The following PKIB variants were observed in gnomAD, a reference collection of about 807,000 sequenced individuals.
PKIB encodes PKI-beta.
Under a neutral mutation model 4.5 loss-of-function variants are expected in PKIB, and 2 were observed. The ratio of observed to expected loss-of-function variants is 0.44; its 90% confidence interval spans 0.18 to 1.39. The LOEUF (loss-of-function observed/expected upper bound fraction) is 1.39, where lower values mean the gene tolerates loss of function less well. Ranked by LOEUF, PKIB falls within the 40% of genes most tolerant of loss-of-function variation. The pLI, the probability that PKIB is intolerant of heterozygous loss-of-function variation, is 0.27. For missense variants in PKIB, 94 were observed against 92.6 expected (o/e 1.02, Z -0.06); for synonymous variants, 38 against 36.0 (o/e 1.06, Z -0.20).
intron 3 of PKIB, among the ~76,000 whole-genome samples, chr6:122,710,778 G>A (rs1326288372): frequency 1.3e-5 from 2 of 152,142 alleles, no homozygotes; most frequent in East Asian, 1.9e-4. Context: ...TGCAGAGTTG[G>A]TGTTACATAA....
At chr6:122,612,113 T>G (rs1226229859) in intron 1 of PKIB, among the ~76,000 whole-genome samples, 3 of 152,192 alleles carry the variant, frequency 2.0e-5, no homozygotes, top group African/African-American at 7.2e-5. Context: ...TTTTTCCTCC[T>G]TTTTAGTCGA....
chr6:122,623,518 C>G lies in PKIB; in HGVS notation c.-160-9765C>G, dbSNP rs182092171. Among the ~76,000 whole-genome samples the G allele has an allele frequency of 9.1e-4, 138 of 152,286 alleles. 3 individuals are homozygous for G. Among genetic ancestry groups the G allele is most frequent in the Admixed American group, 8.4e-3 (129 of 15,304 alleles). ...CTTTCCCTCCCACCACTTTTTTATT[C>G]AGTACTTCTGGCCTTGGGCTGTAAC... On this transcript the variant is annotated intron_variant, in intron 1 of 4. Transcript: ENST00000368452.
intron 2 of PKIB, among the ~76,000 whole-genome samples, chr6:122,497,407 C>T (rs1776104139): frequency 6.6e-6 from 1 of 152,120 alleles, no homozygotes; most frequent in East Asian, 1.9e-4. Flanking sequence ...GTATTCACAC[C>T]CTACTTAGAA....
chr6:122,485,864 G>A (rs541928468), intron 2 of PKIB, among the ~76,000 whole-genome samples: 1 of 152,266 alleles, frequency 6.6e-6, no homozygotes, highest in East Asian at 1.9e-4. Context: ...ATTGCTGTAT[G>A]TCTTGCCTTT....
At chr6:122,723,269 T>A (rs1023686353) in intron 4 of PKIB, among the ~76,000 whole-genome samples, 11 of 152,188 alleles carry the variant, frequency 7.2e-5, no homozygotes, top group Admixed American at 6.6e-4. Context: ...TCTCCTGAAC[T>A]GCACACTCAT....
intron 3 of PKIB, among the ~76,000 whole-genome samples, chr6:122,602,352 C>A (rs1386737793): frequency 6.6e-6 from 1 of 152,152 alleles, no homozygotes; most frequent in Admixed American, 6.5e-5. Flanking sequence ...AGAAAGGAGA[C>A]AGGCTTTGTT....
intron 3 of PKIB, among the ~76,000 whole-genome samples, chr6:122,688,782 CTTT>C (rs34877015): frequency 0.24 from 33,807 of 138,838 alleles, 4,014 homozygotes; most frequent in East Asian, 0.44. Flanking sequence ...ATGAGCCTTT[CTTT>C]TTTTTTTTTT....
chr6:122,534,972 A>T (rs749755914), intron 2 of PKIB, among the ~76,000 whole-genome samples: 2 of 152,162 alleles, frequency 1.3e-5, no homozygotes, highest in Admixed American at 6.6e-5. Flanking sequence ...ATTACCTCAT[A>T]CAGATATTTC....
chr6:122,573,572 T>C (rs954931571), intron 2 of PKIB, among the ~76,000 whole-genome samples: 1 of 141,492 alleles, frequency 7.1e-6, no homozygotes, highest in African/African-American at 2.6e-5. Flanking sequence ...AAAGAGATAA[T>C]ACATCACGAT....
intron 2 of PKIB, among the ~76,000 whole-genome samples, chr6:122,505,715 A>G (rs1374676172): frequency 2.0e-5 from 3 of 151,978 alleles, no homozygotes; most frequent in Non-Finnish European, 4.4e-5. Context: ...CTTTTTTTAG[A>G]TGATATTTAA....
At chr6:122,546,725 T>G (rs2114647473) in intron 2 of PKIB, among the ~76,000 whole-genome samples, 1 of 152,256 alleles carries the variant, frequency 6.6e-6, no homozygotes, top group South Asian at 2.1e-4. Flanking sequence ...TTTACTGTTT[T>G]TCAAATATTC....
intron 2 of PKIB, among the ~76,000 whole-genome samples, chr6:122,535,732 A>C (rs1321530824): frequency 1.3e-5 from 2 of 152,182 alleles, no homozygotes; most frequent in Non-Finnish European, 2.9e-5. Context: ...ACCCCTTGTT[A>C]GTAGTATGAC....
chr6:122,576,615 G>A (rs1334653616), intron 2 of PKIB, among the ~76,000 whole-genome samples: 1 of 126,512 alleles, frequency 7.9e-6, no homozygotes, highest in African/African-American at 3.0e-5. Flanking sequence ...TTGCAGTGAA[G>A]CCCAGATGGC....
intron 3 of PKIB, among the ~76,000 whole-genome samples, chr6:122,686,300 T>A (rs1331150667): frequency 2.0e-5 from 3 of 152,146 alleles, no homozygotes; most frequent in East Asian, 3.9e-4. Context: ...TTTCTTCTCA[T>A]CCTCACCAGC....
rs565766692 is a variant in PKIB at position 122,537,338 on chromosome 6, C to A, written c.-247-48583C>A. Reference sequence around the variant, plus strand: ...CCCCTCCCTGCACCCCACAACAGACCCCAGTGTGTGATGTTCCCCTTCCTG... The same window carrying A: ...CCCCTCCCTGCACCCCACAACAGACACCAGTGTGTGATGTTCCCCTTCCTG... On this transcript the variant is annotated intron_variant, in intron 2 of 6. Coordinates refer to the PKIB transcript ENST00000392491. Among the ~76,000 whole-genome samples the A allele has an allele frequency of 4.5e-4, 69 of 152,058 alleles. No individual in the cohort carries two copies. In the South Asian group the frequency reaches 9.8e-3, roughly 22 times the overall value.
intron 3 of PKIB, among the ~76,000 whole-genome samples, chr6:122,688,018 C>G (rs1778161217): frequency 6.6e-6 from 1 of 151,830 alleles, no homozygotes; most frequent in Non-Finnish European, 1.5e-5. Context: ...AGTTGATATC[C>G]TTATTATATT....
chr6:122,662,727 T>G (rs999818590), intron 2 of PKIB, among the ~76,000 whole-genome samples: 2 of 152,166 alleles, frequency 1.3e-5, no homozygotes, highest in African/African-American at 4.8e-5. Flanking sequence ...TTCTAACAAC[T>G]ACTGAAAGCT....
intron 2 of PKIB, among the ~76,000 whole-genome samples, chr6:122,568,241 T>G (rs997154298): frequency 1.3e-5 from 2 of 152,208 alleles, no homozygotes; most frequent in African/African-American, 4.8e-5. Context: ...AAAAGATACA[T>G]TCTGGACAGA....
intron 2 of PKIB, among the ~76,000 whole-genome samples, chr6:122,484,810 C>T (rs1428358625): frequency 7.2e-5 from 11 of 152,020 alleles, no homozygotes; most frequent in South Asian, 2.1e-4. Flanking sequence ...AGAAGGACTC[C>T]GTACTTCTAT....
Sources: gnomAD v4.1 joint callset for allele counts (sites outside exome capture counted in the v4.1 genomes callset) on GRCh38, gnomAD v4.1.1 for gene constraint, MANE v1.5 for transcripts, NCBI Gene and HGNC (gene_info 2026-07-23, HGNC 2026-07-21) for gene names.